Variants in KCNH7 observed in about 807,000 individuals in gnomAD.
KCNH7 encodes the protein voltage-gated inwardly rectifying potassium channel KCNH7.
KCNH7 carries 49 observed loss-of-function variants against 120.8 expected under a neutral mutation model. The ratio of observed to expected loss-of-function variants is 0.41; its 90% CI spans 0.32 to 0.51. The LOEUF (loss-of-function observed/expected upper bound fraction) is 0.51, where lower values mean the gene tolerates loss of function less well. Ranked by LOEUF, KCNH7 falls within the 20% of genes least tolerant of loss-of-function variation. The probability of loss-of-function intolerance (pLI) is 0.38; values close to 1 mark genes in which losing one functional copy is unlikely to be tolerated. For synonymous variants in KCNH7, 547 were observed against 516.1 expected, an observed-to-expected ratio of 1.06 and a Z score of -0.81; for missense variants, 1,097 against 1,446.6, an observed-to-expected ratio of 0.76 and a Z score of 3.92.
intron 2 of KCNH7, among the ~76,000 whole-genome samples, chr2:162,828,013 T>A (rs1045611097): frequency 2.0e-5 from 3 of 152,118 alleles, no homozygotes; most frequent in African/African-American, 7.2e-5. Context: ...CTGTTGCATG[T>A]AAACCCCTTG....
At chr2:162,532,613 G>A (rs1691962168) in intron 3 of KCNH7, among the ~76,000 whole-genome samples, 1 of 151,930 alleles carries the variant, frequency 6.6e-6, no homozygotes, top group East Asian at 1.9e-4. Flanking sequence ...TTAAACACGA[G>A]AGAACTCTGA....
intron 10 of KCNH7, among the ~76,000 whole-genome samples, chr2:162,397,203 C>A (rs900405003): frequency 6.6e-6 from 1 of 151,720 alleles, no homozygotes; most frequent in Non-Finnish European, 1.5e-5. Flanking sequence ...ATCTTCAGTC[C>A]TGTATACCCC....
chr2:162,685,369 T>C (rs951788912), intron 2 of KCNH7, among the ~76,000 whole-genome samples: 1 of 151,926 alleles, frequency 6.6e-6, no homozygotes, highest in African/African-American at 2.4e-5. Context: ...TTTTAGACCA[T>C]ACGTTCTGGG....
intron 2 of KCNH7, among the ~76,000 whole-genome samples, chr2:162,715,582 C>G (rs923543853): frequency 1.3e-5 from 2 of 152,176 alleles, no homozygotes; most frequent in African/African-American, 4.8e-5. Flanking sequence ...AGTAAATTAT[C>G]TTGCCCCATA....
At chr2:162,685,874 A>G (rs561168510) in intron 2 of KCNH7, among the ~76,000 whole-genome samples, 1 of 152,122 alleles carries the variant, frequency 6.6e-6, no homozygotes, top group Non-Finnish European at 1.5e-5. Context: ...AAAAAACTCA[A>G]TTTACCTAAA....
At chr2:162,509,594 C>T (rs967270143) in intron 5 of KCNH7, among the ~76,000 whole-genome samples, 1 of 151,562 alleles carries the variant, frequency 6.6e-6, no homozygotes, top group Non-Finnish European at 1.5e-5. Context: ...AAGAAGTAAT[C>T]ATCAAATTAT....
chr2:162,769,387 C>A (rs545715283), intron 2 of KCNH7, among the ~76,000 whole-genome samples: 6 of 152,150 alleles, frequency 3.9e-5, no homozygotes, highest in South Asian at 4.1e-4. Context: ...CTAATTAGAG[C>A]TTTTTTTGGC....
chr2:162,625,117 G>A (rs1039638077), intron 2 of KCNH7, among the ~76,000 whole-genome samples: 1 of 151,700 alleles, frequency 6.6e-6, no homozygotes, highest in Non-Finnish European at 1.5e-5. Context: ...GGTTGGTCCC[G>A]AACTCCCGAC....
At chr2:162,396,708 A>G (rs759441524) in intron 11 of KCNH7, 32 bp downstream of exon 11, 1 of 1,472,596 alleles carries the variant, frequency 6.8e-7, no homozygotes, top group South Asian at 1.2e-5. Context: ...AAATGTCAGA[A>G]ATACAGACAT....
At chr2:162,609,770 C>T (rs1019242407) in intron 2 of KCNH7, among the ~76,000 whole-genome samples, 7 of 152,090 alleles carry the variant, frequency 4.6e-5, no homozygotes, top group Admixed American at 1.3e-4. Context: ...GACTGAGACA[C>T]GAATAATAGC....
At chr2:162,815,039 C>T (rs577514439) in intron 2 of KCNH7, among the ~76,000 whole-genome samples, 36 of 152,046 alleles carry the variant, frequency 2.4e-4, no homozygotes, top group Admixed American at 2.0e-4. Context: ...GTTACTTTGC[C>T]TCCCCCAATA....
chr2:162,459,358 T>C (rs1689075881), intron 6 of KCNH7, among the ~76,000 whole-genome samples: 1 of 152,124 alleles, frequency 6.6e-6, no homozygotes, highest in South Asian at 2.1e-4. Flanking sequence ...AGAGAAAAGA[T>C]TATGATAGAG....
At chr2:162,382,955 C>A (rs1686465757) in intron 13 of KCNH7, among the ~76,000 whole-genome samples, 1 of 151,562 alleles carries the variant, frequency 6.6e-6, no homozygotes, top group Admixed American at 6.6e-5. Context: ...ATAGAGATTG[C>A]CCTGTAAATT....
At chr2:162,731,647 G>T (rs1253753342) in intron 2 of KCNH7, among the ~76,000 whole-genome samples, 1 of 151,694 alleles carries the variant, frequency 6.6e-6, no homozygotes, top group Admixed American at 6.6e-5. Context: ...AAATGTCCAT[G>T]AAAATATTTA....
At chr2:162,692,233 C>G (rs1686138157) in intron 2 of KCNH7, among the ~76,000 whole-genome samples, 1 of 151,378 alleles carries the variant, frequency 6.6e-6, no homozygotes, top group South Asian at 2.1e-4. Flanking sequence ...TCAAGCAATT[C>G]TTGTGCCTCA....
At chr2:162,592,685 T>TTATTCATA (rs1270427708) in intron 2 of KCNH7, among the ~76,000 whole-genome samples, 9 of 152,190 alleles carry the variant, frequency 5.9e-5, no homozygotes, top group Non-Finnish European at 1.5e-5. Flanking sequence ...TAGCACTACT[T>TTATTCATA]TATTCATATA....
chr2:162,726,107 T>G (rs1481493598), intron 2 of KCNH7, among the ~76,000 whole-genome samples: 2 of 152,214 alleles, frequency 1.3e-5, no homozygotes, highest in Non-Finnish European at 2.9e-5. Flanking sequence ...TCTCTTTTGA[T>G]CTATAGATTT....
intron 2 of KCNH7, among the ~76,000 whole-genome samples, chr2:162,773,217 GT>G (rs1683120910): frequency 1.3e-5 from 2 of 152,214 alleles, no homozygotes; most frequent in Non-Finnish European, 2.9e-5. Flanking sequence ...GCCGGGCATA[GT>G]AGTTCATGCC....
intron 6 of KCNH7, among the ~76,000 whole-genome samples, chr2:162,454,144 A>C (rs1688876903): frequency 6.6e-6 from 1 of 152,170 alleles, no homozygotes; most frequent in Admixed American, 6.5e-5. Flanking sequence ...AGGTGTATCG[A>C]AGAGGTCCAG....
Sources: gnomAD v4.1 joint callset for allele counts (sites outside exome capture counted in the v4.1 genomes callset) on GRCh38, gnomAD v4.1.1 for gene constraint, MANE v1.5 for transcripts, NCBI Gene and HGNC (gene_info 2026-07-23, HGNC 2026-07-21) for gene names.